The following PDE1C variants were observed in gnomAD, a reference collection of about 807,000 sequenced individuals.
PDE1C encodes dual specificity calcium/calmodulin-dependent 3',5'-cyclic nucleotide phosphodiesterase 1C.
A neutral mutation model predicts 93.1 loss-of-function variants in PDE1C; 62 were observed. That is an observed-to-expected ratio of 0.67 (90% CI 0.54 to 0.82). The LOEUF is 0.82. PDE1C is among the 40% of genes least tolerant of loss of function. The pLI is 0.00. For synonymous variants in PDE1C, 325 were observed against 310.1 expected, an observed-to-expected ratio of 1.05 and a Z score of -0.50; for missense variants, 742 against 884.6, an observed-to-expected ratio of 0.84 and a Z score of 2.04.
the PDE1C span, among the ~76,000 whole-genome samples, chr7:31,649,751 A>G: frequency 1.3e-5 from 2 of 152,286 alleles, no homozygotes; most frequent in South Asian, 4.1e-4. Context: ...CAGGATGCAA[A>G]ACAAAGGGGA....
chr7:32,298,818 C>G, exon 1 of PDE1C: 2 of 1,486,976 alleles, frequency 1.3e-6, no homozygotes, highest in East Asian at 2.7e-5. Flanking sequence ...CAGCCCGGGG[C>G]TCGGCGGCGA....
chr7:31,839,159 T>C (rs554970782), intron 9 of PDE1C, among the ~76,000 whole-genome samples: 520 of 149,090 alleles, frequency 3.5e-3, no homozygotes, highest in African/African-American at 0.012. Context: ...TATGTATATA[T>C]GTATGTATAC....
rs145129828 is a variant in PDE1C at position 32,161,701 on chromosome 7, T to C, written c.308+8084A>G. On this transcript the variant is annotated intron_variant, in intron 3 of 18. Transcript: ENST00000396193. ...AGTTCCTGTTGCTAATTAGGAAACA[T>C]AGAGAAGTTTATCCACACTTCACAT... Among the ~76,000 whole-genome samples the C allele has an allele frequency of 1.1e-4, 16 of 152,232 alleles. No individual in the cohort carries two copies. The South Asian group carries it at 3.3e-3, about 32-fold the overall frequency.
the PDE1C span, among the ~76,000 whole-genome samples, chr7:31,709,745 AC>A: frequency 6.6e-6 from 1 of 152,138 alleles, no homozygotes; most frequent in African/African-American, 2.4e-5. Context: ...TCCCCTGAGG[AC>A]TTTTTCTGGC....
intron 2 of PDE1C, among the ~76,000 whole-genome samples, chr7:31,958,660 T>C (rs1174823774): frequency 2.0e-5 from 3 of 152,192 alleles, no homozygotes; most frequent in Non-Finnish European, 4.4e-5. Context: ...ATTTATTATA[T>C]ATCATAGTGC....
rs187366594 is a variant in PDE1C at position 31,929,948 on chromosome 7, T to A, written c.129-49088A>T. Reference sequence around the variant, plus strand: ...AGCAGAACTGAAGGAGACACAGACATGAAAAACTCTTCCAAAAATCAAGGA... The same window carrying A: ...AGCAGAACTGAAGGAGACACAGACAAGAAAAACTCTTCCAAAAATCAAGGA... On this transcript the variant is annotated intron_variant, in intron 2 of 17. Coordinates refer to ENST00000396191, the MANE Select transcript of PDE1C (RefSeq NM_001191057.4). Among the ~76,000 whole-genome samples, 222 of 152,078 alleles carry A rather than the reference T, an allele frequency of 1.5e-3. 1 individual carries two copies. The highest frequency in any genetic ancestry group is 0.014 in the Middle Eastern group (4 of 294).
chr7:31,794,876 C>T (rs543297269), intron 16 of PDE1C, among the ~76,000 whole-genome samples: 2 of 152,074 alleles, frequency 1.3e-5, no homozygotes, highest in East Asian at 1.9e-4. Context: ...AGACATGAAA[C>T]ATTCTGACTA....
the PDE1C span, among the ~76,000 whole-genome samples, chr7:31,677,614 A>T: frequency 2.0e-5 from 3 of 152,158 alleles, no homozygotes; most frequent in Non-Finnish European, 4.4e-5. Context: ...TAAGAAAAAA[A>T]CTCAATAAAC....
At chr7:32,031,465 G>C (rs774637755) in intron 2 of PDE1C, among the ~76,000 whole-genome samples, 5 of 152,142 alleles carry the variant, frequency 3.3e-5, no homozygotes, top group South Asian at 2.1e-4. Context: ...ACTGCTTCAA[G>C]GGCAACCCTT....
the PDE1C span, chr7:31,651,962 C>G: frequency 1.2e-6 from 2 of 1,601,258 alleles, no homozygotes; most frequent in Non-Finnish European, 1.7e-6. Context: ...CAACTGCAAA[C>G]GTTACGTGAG....
intron 1 of PDE1C, among the ~76,000 whole-genome samples, chr7:32,334,350 T>C (rs1783571277): frequency 6.6e-6 from 1 of 152,198 alleles, no homozygotes; most frequent in Non-Finnish European, 1.5e-5. Context: ...TTTGTCCACA[T>C]TTTTGATTAG....
At chr7:31,891,125 G>A (rs1287555683) in intron 2 of PDE1C, among the ~76,000 whole-genome samples, 1 of 152,174 alleles carries the variant, frequency 6.6e-6, no homozygotes, top group Non-Finnish European at 1.5e-5. Flanking sequence ...TTCACCATGG[G>A]TTTCCAAGAT....
chr7:31,893,476 C>G (rs1798894844), intron 2 of PDE1C: 1 of 984,544 alleles, frequency 1.0e-6, no homozygotes, highest in South Asian at 4.7e-5. Flanking sequence ...GGAAGACTTA[C>G]TTATGCAGTC....
chr7:32,286,587 C>A (rs1812016919), intron 1 of PDE1C, among the ~76,000 whole-genome samples: 1 of 152,226 alleles, frequency 6.6e-6, no homozygotes, highest in East Asian at 1.9e-4. Flanking sequence ...AAAAGTTTCA[C>A]CTGCCTCATG....
chr7:32,315,025 C>T (rs775914343), intron 1 of PDE1C, among the ~76,000 whole-genome samples: 6 of 148,308 alleles, frequency 4.0e-5, no homozygotes, highest in Non-Finnish European at 5.9e-5. Context: ...TTTTATATCT[C>T]GGATGTGGCT....
At chr7:32,338,696 GC>G (rs1376058066) in intron 1 of PDE1C, among the ~76,000 whole-genome samples, 2 of 152,126 alleles carry the variant, frequency 1.3e-5, no homozygotes, top group African/African-American at 4.8e-5. Context: ...GTTCCTAGCA[GC>G]ATTATTCACA....
chr7:31,807,399 T>TC (rs35387114), intron 16 of PDE1C, among the ~76,000 whole-genome samples: 2 of 151,548 alleles, frequency 1.3e-5, no homozygotes, highest in African/African-American at 2.4e-5. Context: ...TTTTATCACT[T>TC]CCCCCCTCCC....
chr7:31,902,017 A>T (rs1273974549), intron 2 of PDE1C, among the ~76,000 whole-genome samples: 3 of 151,052 alleles, frequency 2.0e-5, no homozygotes, highest in African/African-American at 7.3e-5. Flanking sequence ...AAATACTTAA[A>T]ATAAATGTAA....
intron 3 of PDE1C, among the ~76,000 whole-genome samples, chr7:32,096,855 A>ATAGATAGATAGG (rs1272752554): frequency 6.6e-6 from 1 of 151,672 alleles, no homozygotes; most frequent in African/African-American, 2.4e-5. Context: ...AGATAGATAG[A>ATAGATAGATAGG]TAGATAGACA....
Sources: allele counts gnomAD v4.1 joint callset (sites outside exome capture counted in the v4.1 genomes callset), GRCh38; gene constraint gnomAD v4.1.1; transcripts MANE v1.5; gene names NCBI Gene and HGNC (gene_info 2026-07-23, HGNC 2026-07-21).